The following MED13 variants were observed in gnomAD, a reference collection of about 807,000 sequenced individuals.
The protein encoded by MED13 is mediator complex subunit 13.
A neutral mutation model predicts 225.2 loss-of-function variants in MED13; 23 were observed. The ratio of observed to expected loss-of-function variants is 0.10; its 90% CI spans 0.07 to 0.14. MED13 has a LOEUF of 0.14. Among genes scored for constraint, MED13 ranks in the 10% least tolerant of loss-of-function variants. The probability of loss-of-function intolerance (pLI) is 1.00; values close to 1 mark genes in which losing one functional copy is unlikely to be tolerated. For missense variants in MED13, 2,197 were observed against 2,594.5 expected (o/e 0.85, Z 3.33); for synonymous variants, 942 against 889.2 (o/e 1.06, Z -1.06).
chr17:62,046,278 A>T (rs2080897199), intron 3 of MED13, among the ~76,000 whole-genome samples: 1 of 152,208 alleles, frequency 6.6e-6, no homozygotes, highest in African/African-American at 2.4e-5. Flanking sequence ...TTTCCAAAGA[A>T]GGAAAAAGGG....
chr17:62,010,497 T>C (rs1475214291), intron 9 of MED13, 53 bp downstream of exon 9: 13 of 1,193,538 alleles, frequency 1.1e-5, no homozygotes, highest in Non-Finnish European at 1.3e-5. Context: ...ATTAAGAACT[T>C]GCATCACTTC....
chr17:62,048,070 A>ATATATATG (rs2080918000), intron 3 of MED13, among the ~76,000 whole-genome samples: 1 of 146,372 alleles, frequency 6.8e-6, no homozygotes, highest in African/African-American at 2.5e-5. Flanking sequence ...ATATGTATAT[A>ATATATATG]TGTATATATA....
chr17:61,955,201 T>A, intron 26 of MED13, 181 bp downstream of exon 26: 1 of 445,984 alleles, frequency 2.2e-6, no homozygotes, highest in Non-Finnish European at 3.9e-6. Flanking sequence ...ACACATGTTA[T>A]CGCATTAAGG....
Position 62,035,499 on chromosome 17 carries a change from T to C in MED13, c.580A>G (p.Ile194Val), listed in dbSNP as rs1219819407. The change falls in exon 4 of 30, where the codon ATC becomes GTC. Residue 194 changes from isoleucine (I) to valine (V), a missense_variant. Coordinates refer to ENST00000397786, the MANE Select transcript of MED13 (RefSeq NM_005121.3). Reference sequence around the variant, plus strand: ...CTATTAGACTGTTGAGCAAGGGTGATATGCTCTTCACTGAGAAGGTATACA... The same window carrying C: ...CTATTAGACTGTTGAGCAAGGGTGACATGCTCTTCACTGAGAAGGTATACA... ...QPVYLLSEEHITLAQQSNSPF... is the reference protein window; with the variant it reads ...QPVYLLSEEHVTLAQQSNSPF... The C allele has an allele frequency of 2.5e-6, 4 of 1,613,042 alleles. No homozygotes were observed. The African/African-American group carries it at 5.3e-5, about 22-fold the overall frequency.
At chr17:61,986,338 T>C (rs2080247723) in intron 12 of MED13, among the ~76,000 whole-genome samples, 1 of 152,158 alleles carries the variant, frequency 6.6e-6, no homozygotes, top group Non-Finnish European at 1.5e-5. Flanking sequence ...AGATCAAATG[T>C]ACCATAGAAG....
intron 20 of MED13, among the ~76,000 whole-genome samples, chr17:61,964,500 G>A (rs796330534): frequency 9.8e-5 from 15 of 152,306 alleles, no homozygotes; most frequent in African/African-American, 3.6e-4. Flanking sequence ...AGGAGGTCGA[G>A]GCTGCAGTGA....
rs183934550 is a variant in MED13 at position 61,976,862 on chromosome 17, G to A, written c.3806-3974C>T. Among the ~76,000 whole-genome samples, 512 of 152,250 alleles carry A rather than the reference G, an allele frequency of 3.4e-3. 1 individual carries two copies. The highest frequency in any genetic ancestry group is 0.012 in the African/African-American group (493 of 41,554). On this transcript the variant is annotated intron_variant, in intron 16 of 29. Coordinates refer to ENST00000397786, the MANE Select transcript of MED13 (RefSeq NM_005121.3). ...CAGGAGAATGGCGTGATCCCGGTAG[G>A]CGGAGCTTGCAGTGAGCCGAGATCG...
intron 10 of MED13, among the ~76,000 whole-genome samples, chr17:61,993,953 A>C (rs1029043539): frequency 1.3e-4 from 20 of 152,012 alleles, no homozygotes; most frequent in African/African-American, 3.6e-4. Context: ...ACAAACAAAA[A>C]AAAAAACTCA....
chr17:61,961,537 A>G lies in MED13; in HGVS notation c.5256+51T>C, dbSNP rs1239036137. 7 of 1,364,558 alleles carry G rather than the reference A, an allele frequency of 5.1e-6. No homozygotes were observed. The South Asian group carries it at 9.9e-5, about 19-fold the overall frequency. The allele number at this position is 1,364,558 out of a possible 1,614,324, so 84.5% of individuals were successfully genotyped here. A position where few individuals can be genotyped will look rare whatever the true frequency, so the allele number is the denominator to read the frequency against. On this transcript the variant is annotated intron_variant, in intron 22 of 29. Coordinates refer to ENST00000397786, the MANE Select transcript of MED13 (RefSeq NM_005121.3). ...TCCATCTCAAAAAAAAAAAAAAAAA[A>G]AAAAGGTATGTATAGTCATTGAACT...
chr17:62,047,916 TAAAG>T (rs1346963459), intron 3 of MED13, among the ~76,000 whole-genome samples: 4 of 151,228 alleles, frequency 2.6e-5, no homozygotes, highest in African/African-American at 9.7e-5. Context: ...GAGTTTTTCA[TAAAG>T]AAAGCCGGGT....
chr17:62,053,520 C>G (rs979848239), intron 2 of MED13, among the ~76,000 whole-genome samples: 1 of 152,122 alleles, frequency 6.6e-6, no homozygotes, highest in African/African-American at 2.4e-5. Flanking sequence ...TTTGTGTACT[C>G]TATCCATTTC....
rs367927155 is a variant in MED13, at chr17:61,982,327, G to C, written c.3676C>G (p.Arg1226Gly). 1.4e-4 allele frequency: 234 copies of C among 1,614,062 alleles called. 1 individual carries two copies. In the Middle Eastern group the frequency reaches 1.6e-3, roughly 11 times the overall value. ...AGGTAGCAGTCATTGCAACAGTCAC[G>C]CTCTTCAACACGTACCCAATTGCTA... ...VISNWVRVEE[R>G]DCCNDCYLAL... The change falls in exon 16 of 30, where the codon CGT becomes GGT. Residue 1226 changes from arginine to glycine, a missense_variant. Arg to Gly is a moderately radical substitution (Grantham distance 125). Transcript: ENST00000397786.
chr17:62,040,754 T>C (rs1022699593), intron 3 of MED13, among the ~76,000 whole-genome samples: 1 of 152,050 alleles, frequency 6.6e-6, no homozygotes, highest in African/African-American at 2.4e-5. Flanking sequence ...CCAAAAATGA[T>C]ATAAAAATGG....
chr17:62,018,935 T>C (rs2080610114), intron 8 of MED13, among the ~76,000 whole-genome samples: 1 of 152,118 alleles, frequency 6.6e-6, no homozygotes, highest in Admixed American at 6.5e-5. Context: ...GACCAATGCA[T>C]GATGTTACAA....
intron 17 of MED13, among the ~76,000 whole-genome samples, chr17:61,971,911 G>A (rs1410282395): frequency 6.6e-6 from 1 of 152,008 alleles, no homozygotes; most frequent in East Asian, 1.9e-4. Context: ...TCCAGCCTGG[G>A]CGACAAAGCG....
intron 8 of MED13, among the ~76,000 whole-genome samples, chr17:62,015,900 C>CATT (rs1282558157): frequency 2.5e-5 from 2 of 80,016 alleles, no homozygotes; most frequent in African/African-American, 8.7e-5. Flanking sequence ...CACACACACA[C>CATT]ATACACACTA....
At chr17:61,952,303 G>T (rs944699830) in intron 27 of MED13, among the ~76,000 whole-genome samples, 1 of 152,132 alleles carries the variant, frequency 6.6e-6, no homozygotes, top group African/African-American at 2.4e-5. Flanking sequence ...AGATAAAAAG[G>T]GGGAGTAGAT....
chr17:62,014,287 G>A (rs769705478), intron 8 of MED13, among the ~76,000 whole-genome samples: 1 of 142,478 alleles, frequency 7.0e-6, no homozygotes, highest in Admixed American at 6.8e-5. Context: ...TTTCTATGAT[G>A]ATGGGAAGTT....
At chr17:62,005,061 A>AT (rs1450374480) in intron 9 of MED13, 4 of 152,002 alleles carry the variant, frequency 2.6e-5, no homozygotes, top group Non-Finnish European at 5.9e-5. Context: ...CACCCAGCTA[A>AT]TTTTTGTATT....
Sources: allele counts gnomAD v4.1 joint callset (sites outside exome capture counted in the v4.1 genomes callset), GRCh38; gene constraint gnomAD v4.1.1; transcripts MANE v1.5; gene names NCBI Gene and HGNC (gene_info 2026-07-23, HGNC 2026-07-21).